The following STARD3NL variants were observed in gnomAD, a reference collection of about 807,000 sequenced individuals.
STARD3NL encodes the protein STARD3 N-terminal like.
A neutral mutation model predicts 30.9 loss-of-function variants in STARD3NL; 17 were observed. The ratio of observed to expected loss-of-function variants is 0.55; its 90% CI spans 0.38 to 0.82. The LOEUF (loss-of-function observed/expected upper bound fraction) is 0.82, where lower values mean the gene tolerates loss of function less well. Ranked by LOEUF, STARD3NL falls within the 40% of genes least tolerant of loss-of-function variation. The probability of loss-of-function intolerance (pLI) is 0.00; values close to 1 mark genes in which losing one functional copy is unlikely to be tolerated. For missense variants in STARD3NL, 234 were observed against 277.6 expected, an observed-to-expected ratio of 0.84 and a Z score of 1.12; for synonymous variants, 112 against 100.5, an observed-to-expected ratio of 1.11 and a Z score of -0.69.
chr7:38,205,632 TATA>T (rs10536696), intron 1 of STARD3NL, among the ~76,000 whole-genome samples: 30,778 of 136,084 alleles, frequency 0.23, 3,180 homozygotes, highest in African/African-American at 0.28. Flanking sequence ...TTTATTGAAA[TATA>T]ATATACACTA....
chr7:38,223,773 A>C (rs994198036), intron 7 of STARD3NL, among the ~76,000 whole-genome samples: 1 of 152,182 alleles, frequency 6.6e-6, no homozygotes, highest in Non-Finnish European at 1.5e-5. Flanking sequence ...ATTGCCAGGG[A>C]TACTGAATTA....
rs544248692 is a variant in STARD3NL at position 38,210,659 on chromosome 7, G to A, written c.225+2930G>A. ...GGATCTGGAATTAATTATGGCTTGC[G>A]TTCCCTGAGGACTCTTTTCCCTCTG... On this transcript the variant is annotated intron_variant, in intron 2 of 8. Coordinates refer to ENST00000009041, the MANE Select transcript of STARD3NL (RefSeq NM_032016.4). Among the ~76,000 whole-genome samples, 85 of 152,242 alleles carry A rather than the reference G, an allele frequency of 5.6e-4. 1 individual carries two copies. The highest frequency in any genetic ancestry group is 2.9e-3 in the Admixed American group (45 of 15,292).
At chr7:38,211,128 C>T (rs1283735933) in intron 2 of STARD3NL, among the ~76,000 whole-genome samples, 5 of 152,170 alleles carry the variant, frequency 3.3e-5, no homozygotes, top group Non-Finnish European at 7.3e-5. Flanking sequence ...ATGCAGGTTA[C>T]TGTTTTCTCA....
intron 1 of STARD3NL, among the ~76,000 whole-genome samples, chr7:38,205,181 A>C (rs1042627155): frequency 6.6e-6 from 1 of 151,714 alleles, no homozygotes; most frequent in Non-Finnish European, 1.5e-5. Flanking sequence ...GAGACACAAC[A>C]AAAAAAGAGA....
chr7:38,219,753 T>G (rs2392540), intron 7 of STARD3NL, 93 bp downstream of exon 7: 157,028 of 1,019,292 alleles, frequency 0.15, 12,852 homozygotes, highest in Admixed American at 0.2. Context: ...CTCAATATAC[T>G]TAGCTAACAT....
At chr7:38,209,601 C>G (rs1020535403) in intron 2 of STARD3NL, among the ~76,000 whole-genome samples, 1 of 152,072 alleles carries the variant, frequency 6.6e-6, no homozygotes, top group African/African-American at 2.4e-5. Flanking sequence ...CATCTTTTAA[C>G]AGGAAACACA....
At chr7:38,179,886 G>A (rs1784177749) in intron 1 of STARD3NL, among the ~76,000 whole-genome samples, 1 of 152,172 alleles carries the variant, frequency 6.6e-6, no homozygotes, top group South Asian at 2.1e-4. Flanking sequence ...GAAGTTTCTA[G>A]GCAGATATAA....
chr7:38,193,808 A>G (rs777628348), intron 1 of STARD3NL, among the ~76,000 whole-genome samples: 8 of 152,154 alleles, frequency 5.3e-5, no homozygotes, highest in South Asian at 2.1e-4. Flanking sequence ...ATGTTATGTA[A>G]TATATAATTA....
intron 1 of STARD3NL, among the ~76,000 whole-genome samples, chr7:38,194,977 T>A (rs1029503052): frequency 3.3e-5 from 5 of 151,952 alleles, no homozygotes; most frequent in Non-Finnish European, 7.4e-5. Context: ...AGCATTTGCC[T>A]TTTTTTTGTT....
chr7:38,187,764 A>G (rs1301295800), intron 1 of STARD3NL, among the ~76,000 whole-genome samples: 1 of 152,094 alleles, frequency 6.6e-6, no homozygotes, highest in African/African-American at 2.4e-5. Flanking sequence ...CGACTTGGAT[A>G]TTAATAAGCA....
At chr7:38,217,894 G>C (rs942274150) in intron 6 of STARD3NL, among the ~76,000 whole-genome samples, 1 of 152,156 alleles carries the variant, frequency 6.6e-6, no homozygotes, top group African/African-American at 2.4e-5. Flanking sequence ...GCAAGCCAGA[G>C]CGACGCTCAG....
intron 1 of STARD3NL, among the ~76,000 whole-genome samples, chr7:38,188,740 G>A (rs1784563350): frequency 6.6e-6 from 1 of 152,138 alleles, no homozygotes; most frequent in South Asian, 2.1e-4. Context: ...ACATTGATAT[G>A]CATTTACCCA....
intron 1 of STARD3NL, among the ~76,000 whole-genome samples, chr7:38,194,025 ACTGT>A (rs1243080177): frequency 3.3e-5 from 5 of 152,006 alleles, no homozygotes; most frequent in African/African-American, 9.7e-5. Context: ...TGCCCATAAA[ACTGT>A]CTGACTCCAG....
chr7:38,226,152 G>GTTTT (rs11286474), intron 7 of STARD3NL, among the ~76,000 whole-genome samples: 5,862 of 101,412 alleles, frequency 0.058, 205 homozygotes, highest in East Asian at 0.087. Flanking sequence ...TGCCTATCTT[G>GTTTT]TTTTTTTTTT....
intron 2 of STARD3NL, among the ~76,000 whole-genome samples, chr7:38,210,186 G>T (rs1017016726): frequency 1.1e-4 from 17 of 152,054 alleles, no homozygotes; most frequent in Non-Finnish European, 2.1e-4. Flanking sequence ...AAATGCCAGA[G>T]AACAGGCTTC....
chr7:38,226,147 A>G (rs62443342), intron 7 of STARD3NL, among the ~76,000 whole-genome samples: 1 of 103,332 alleles, frequency 9.7e-6, no homozygotes, highest in Non-Finnish European at 1.9e-5. Flanking sequence ...ATCTTTGCCT[A>G]TCTTGTTTTT....
intron 1 of STARD3NL, among the ~76,000 whole-genome samples, chr7:38,199,986 T>C (rs1036198918): frequency 6.6e-6 from 1 of 152,220 alleles, no homozygotes; most frequent in Non-Finnish European, 1.5e-5. Flanking sequence ...CAGGCAGCTC[T>C]AATCTAGTCT....
chr7:38,181,743 A>C (rs1287353732), intron 1 of STARD3NL, among the ~76,000 whole-genome samples: 1 of 152,146 alleles, frequency 6.6e-6, no homozygotes, highest in Non-Finnish European at 1.5e-5. Context: ...TCTATTCTTT[A>C]AGATCGTTCA....
In STARD3NL at chr7:38,223,786, T is replaced by C. The variant is rs181815150; in HGVS notation, c.649+4126T>C. Among the ~76,000 whole-genome samples the C allele has an allele frequency of 2.6e-3, 402 of 152,334 alleles. 2 individuals carry two copies. Among genetic ancestry groups the C allele is most frequent in the South Asian group, 7.0e-3 (34 of 4,832 alleles). On this transcript the variant is annotated intron_variant, in intron 7 of 8. Transcript: ENST00000009041. ...TCATTGCCAGGGATACTGAATTATA[T>C]TGACTTTTTAAAAAAGCTTGATTGA...
Sources: allele counts gnomAD v4.1 joint callset (sites outside exome capture counted in the v4.1 genomes callset), GRCh38; gene constraint gnomAD v4.1.1; transcripts MANE v1.5; gene names NCBI Gene and HGNC (gene_info 2026-07-23, HGNC 2026-07-21).